ZDHHC2: variants seen among roughly 807,000 people sequenced by gnomAD.
The protein encoded by ZDHHC2 is palmitoyltransferase ZDHHC2.
Under a neutral mutation model 55.6 loss-of-function variants are expected in ZDHHC2, and 51 were observed. The ratio of observed to expected loss-of-function variants is 0.92; its 90% CI spans 0.73 to 1.16. ZDHHC2 has a LOEUF of 1.16. ZDHHC2 is among the 50% of genes most tolerant of loss of function. ZDHHC2 has a pLI of 0.00. For synonymous variants in ZDHHC2, 199 were observed against 152.9 expected (o/e 1.30, Z -2.22); for missense variants, 491 against 442.4 (o/e 1.11, Z -0.99).
chr8:17,205,825 T>A, intron 7 of ZDHHC2, 50 bp downstream of exon 7: 1 of 1,529,650 alleles, frequency 6.5e-7, no homozygotes, highest in Non-Finnish European at 8.8e-7. Context: ...TAATAGATAA[T>A]ATAGGCTTTT....
chr8:17,183,860 A>T (rs77805939), intron 1 of ZDHHC2, among the ~76,000 whole-genome samples: 1 of 152,194 alleles, frequency 6.6e-6, no homozygotes, highest in East Asian at 1.9e-4. Flanking sequence ...GCCTGAACTT[A>T]TATTTGGTAG....
chr8:17,180,640 T>C (rs1176826218), intron 1 of ZDHHC2, among the ~76,000 whole-genome samples: 2 of 152,194 alleles, frequency 1.3e-5, no homozygotes, highest in African/African-American at 2.4e-5. Context: ...TGTTTTATTG[T>C]CCCTTTGAAT....
intron 6 of ZDHHC2, among the ~76,000 whole-genome samples, chr8:17,203,209 A>G (rs1416871514): frequency 2.0e-5 from 3 of 151,508 alleles, no homozygotes; most frequent in African/African-American, 7.3e-5. Context: ...ACAGACGTGC[A>G]CCACCATGCC....
chr8:17,215,914 C>T (rs1333152282), intron 11 of ZDHHC2, among the ~76,000 whole-genome samples: 1 of 152,174 alleles, frequency 6.6e-6, no homozygotes, highest in East Asian at 1.9e-4. Flanking sequence ...CGAAGTCAGA[C>T]CTGATTTAAA....
intron 12 of ZDHHC2, among the ~76,000 whole-genome samples, chr8:17,218,008 T>G (rs1293932145): frequency 1.3e-5 from 2 of 152,194 alleles, no homozygotes; most frequent in Admixed American, 6.6e-5. Flanking sequence ...GAGATTCACT[T>G]GTAAAACAAA....
intron 1 of ZDHHC2, among the ~76,000 whole-genome samples, chr8:17,177,385 C>T (rs1376743557): frequency 1.3e-5 from 2 of 152,118 alleles, no homozygotes; most frequent in African/African-American, 4.8e-5. Flanking sequence ...GACATGAAGT[C>T]AGGGGACAGA....
intron 6 of ZDHHC2, among the ~76,000 whole-genome samples, chr8:17,203,995 A>G (rs1435103944): frequency 6.6e-6 from 1 of 151,590 alleles, no homozygotes; most frequent in East Asian, 2.0e-4. Context: ...TTTAGTAGAG[A>G]CAGGGTTTCA....
chr8:17,184,609 G>A (rs1444822059), intron 1 of ZDHHC2, among the ~76,000 whole-genome samples, 180 bp from the exon 2 acceptor site: 3 of 45,130 alleles, frequency 6.6e-5, no homozygotes, highest in African/African-American at 2.5e-4. Flanking sequence ...GCCTCCAGCC[G>A]TTTCCTGCAC....
At chr8:17,217,472 A>G (rs1012031153) in intron 12 of ZDHHC2, among the ~76,000 whole-genome samples, 1 of 152,180 alleles carries the variant, frequency 6.6e-6, no homozygotes, top group East Asian at 1.9e-4. Flanking sequence ...AAATAAGTTG[A>G]TGAACAAGAG....
intron 3 of ZDHHC2, among the ~76,000 whole-genome samples, chr8:17,188,570 C>G (rs939448091): frequency 6.6e-6 from 1 of 152,120 alleles, no homozygotes; most frequent in Non-Finnish European, 1.5e-5. Context: ...CTCTTCAGCT[C>G]CTAGACTGCC....
In ZDHHC2 at chr8:17,222,917, T is replaced by G. The variant is rs1332391073; in HGVS notation, c.*2696T>G. The G allele has an allele frequency of 6.6e-6, 1 of 151,888 alleles. No homozygotes were observed. Among genetic ancestry groups the G allele is most frequent in the Non-Finnish European group, 1.5e-5 (1 of 67,796 alleles). The allele number at this position is 151,888 out of a possible 1,614,324, so 9.4% of individuals were successfully genotyped here. On this transcript the variant is annotated 3_prime_UTR_variant, in exon 13 of 13. Coordinates refer to ENST00000262096, the MANE Select transcript of ZDHHC2 (RefSeq NM_016353.5). ...AGGTATTTACTTTGTAGTAGTTAAG[T>G]GATTCTGAGGACAATTAGAAACAGA...
chr8:17,218,729 G>A (rs956940447), intron 12 of ZDHHC2, among the ~76,000 whole-genome samples: 8 of 152,028 alleles, frequency 5.3e-5, no homozygotes, highest in South Asian at 4.1e-4. Context: ...ATGAATCAGC[G>A]CTATAGATCT....
intron 3 of ZDHHC2, 150 bp from the exon 4 acceptor site, chr8:17,195,354 G>A: frequency 2.4e-6 from 2 of 850,598 alleles, no homozygotes; most frequent in Non-Finnish European, 1.8e-6. Context: ...GAGGTGAACA[G>A]ACTTGCCCAC....
intron 1 of ZDHHC2, among the ~76,000 whole-genome samples, chr8:17,175,251 G>T (rs185125851): frequency 6.6e-6 from 1 of 152,118 alleles, no homozygotes; most frequent in Non-Finnish European, 1.5e-5. Context: ...AGGTGTGGGT[G>T]GGGTTGACAG....
rs1245787660 is a variant in ZDHHC2, at chr8:17,186,380, A to G, written c.207A>G (p.Ser69=). 5 of 1,589,050 alleles carry G rather than the reference A, an allele frequency of 3.1e-6. No homozygotes were observed. The highest frequency in any genetic ancestry group is 1.4e-5 in the African/African-American group (1 of 73,574). The change falls in exon 3 of 13, where the codon TCA becomes TCG. Residue 69 remains serine (S), a synonymous_variant. Coordinates refer to ENST00000262096, the MANE Select transcript of ZDHHC2 (RefSeq NM_016353.5). ...TACTTTTTGCAATGTTTGTCTGGTC[A>G]TACTGGAAAACTATCTTTACATTAC... ...YHLLFAMFVW[S]YWKTIFTLPM... is the part of the protein sequence containing the mutation.
At chr8:17,199,488 TTCTTCTTCTTCTTCTTCTTCTTCTTCG>T (rs1431745758) in intron 6 of ZDHHC2, among the ~76,000 whole-genome samples, 3 of 31,924 alleles carry the variant, frequency 9.4e-5, no homozygotes, top group South Asian at 9.3e-4. Context: ...CTTCTTCTTC[TTCTTCTTCTTCTTCTTCTTCTTCTTCG>T]TCTTCGTCTT....
At chr8:17,175,377 G>A (rs749043569) in intron 1 of ZDHHC2, among the ~76,000 whole-genome samples, 17 of 152,142 alleles carry the variant, frequency 1.1e-4, no homozygotes, top group African/African-American at 3.1e-4. Flanking sequence ...GCTTATTCAC[G>A]CTTAAAAGGC....
chr8:17,215,108 G>A (rs1169114619), intron 10 of ZDHHC2, 129 bp from the exon 11 acceptor site: 5 of 705,908 alleles, frequency 7.1e-6, no homozygotes, highest in South Asian at 3.7e-5. Context: ...TATTCCCCAC[G>A]TTATTTTGGG....
chr8:17,181,075 T>A (rs541311640), intron 1 of ZDHHC2, among the ~76,000 whole-genome samples: 1 of 152,358 alleles, frequency 6.6e-6, no homozygotes, highest in Admixed American at 6.5e-5. Flanking sequence ...TTTTTTCAAC[T>A]ATCAGTTGAG....
Sources: gnomAD v4.1 joint callset for allele counts (sites outside exome capture counted in the v4.1 genomes callset) on GRCh38, gnomAD v4.1.1 for gene constraint, MANE v1.5 for transcripts, NCBI Gene and HGNC (gene_info 2026-07-23, HGNC 2026-07-21) for gene names.